Variants in ULK4 observed in about 807,000 individuals in gnomAD.
ULK4 encodes inactive serine/threonine-protein kinase ULK4.
Under a neutral mutation model 160.6 loss-of-function variants are expected in ULK4, and 133 were observed. That is an observed-to-expected ratio of 0.83 (90% CI 0.72 to 0.96). The LOEUF is 0.96. Among genes scored for constraint, ULK4 ranks in the 40% least tolerant of loss-of-function variants. The probability of loss-of-function intolerance (pLI) is 0.00; values close to 1 mark genes in which losing one functional copy is unlikely to be tolerated. For missense variants in ULK4, 1,580 were observed against 1,499.5 expected (o/e 1.05, Z -0.89); for synonymous variants, 534 against 539.8 (o/e 0.99, Z 0.15).
In ULK4 at chr3:41,715,306, A is replaced by G; in HGVS notation, c.2578-13T>C. On this transcript the variant is annotated splice_polypyrimidine_tract_variant and intron_variant, in intron 24 of 36. Coordinates refer to ENST00000301831, the MANE Select transcript of ULK4 (RefSeq NM_017886.4). ...GAGGTCGAAATACCTGTGTGATGAG[A>G]GTTTCTACAGATTAAATTCTGGAAG... 1 of 1,613,588 alleles carries G rather than the reference A, an allele frequency of 6.2e-7. No individual in the cohort carries two copies. The highest frequency in any genetic ancestry group is 8.5e-7 in the Non-Finnish European group (1 of 1,179,894).
chr3:41,263,148 A>G (rs925310764), intron 35 of ULK4, among the ~76,000 whole-genome samples: 4 of 143,794 alleles, frequency 2.8e-5, no homozygotes, highest in Non-Finnish European at 4.4e-5. Flanking sequence ...AAGAAAAAAT[A>G]CTTGGGGTGG....
intron 31 of ULK4, among the ~76,000 whole-genome samples, chr3:41,612,312 C>G (rs1210223599): frequency 6.6e-6 from 1 of 152,262 alleles, no homozygotes; most frequent in Non-Finnish European, 1.5e-5. Context: ...TCCTCTTCCC[C>G]CAAAGCCCTG....
intron 35 of ULK4, among the ~76,000 whole-genome samples, chr3:41,272,343 GTTTTTTTTT>G (rs3038324): frequency 1.4e-4 from 13 of 95,478 alleles, no homozygotes; most frequent in Non-Finnish European, 2.5e-4. Context: ...AATTTTGAAA[GTTTTTTTTT>G]TTTTTTTTTT....
chr3:41,486,335 G>A (rs897353014), intron 32 of ULK4, among the ~76,000 whole-genome samples: 9 of 152,106 alleles, frequency 5.9e-5, no homozygotes, highest in Non-Finnish European at 8.8e-5. Context: ...GAAATTTGTT[G>A]CCAATGAATC....
chr3:41,835,905 A>G lies in ULK4; in HGVS notation c.1723T>C (p.Leu575=). 6.2e-7 allele frequency: 1 copy of G among 1,613,688 alleles called. No homozygotes were observed. The highest frequency in any genetic ancestry group is 1.1e-5 in the South Asian group (1 of 91,008). ...FRNSKLKQCL[L]PTLGELIYLV... ...TAGATCAGCTCCCCAAGGGTTGGTA[A>G]AAGGCACTGTTTTAATTTGCTGTTC... The change falls in exon 18 of 37, where the codon TTA becomes CTA. Residue 575 remains leucine (L), a synonymous_variant. Coordinates refer to ENST00000301831, the MANE Select transcript of ULK4 (RefSeq NM_017886.4).
At chr3:41,251,501 G>T (rs867324167) in intron 35 of ULK4, among the ~76,000 whole-genome samples, 1 of 152,290 alleles carries the variant, frequency 6.6e-6, no homozygotes, top group Middle Eastern at 3.4e-3. Flanking sequence ...CACTGAACTG[G>T]CAGTGAGTTT....
chr3:41,519,952 A>G (rs1575347349), intron 32 of ULK4, among the ~76,000 whole-genome samples: 2 of 152,208 alleles, frequency 1.3e-5, no homozygotes, highest in African/African-American at 2.4e-5. Context: ...ATCAAGCACT[A>G]CATTACCCAA....
intron 35 of ULK4, among the ~76,000 whole-genome samples, chr3:41,358,765 T>C (rs1038733431): frequency 6.6e-6 from 1 of 152,116 alleles, no homozygotes; most frequent in African/African-American, 2.4e-5. Context: ...TGGATTTTAC[T>C]CCGAGATGGA....
intron 32 of ULK4, among the ~76,000 whole-genome samples, chr3:41,564,129 A>C (rs1336176793): frequency 6.6e-6 from 1 of 152,172 alleles, no homozygotes; most frequent in Non-Finnish European, 1.5e-5. Context: ...CCTCAGCTGC[A>C]GGTCTGTTGG....
chr3:41,386,465 T>C (rs192330723), intron 35 of ULK4, among the ~76,000 whole-genome samples: 6 of 152,240 alleles, frequency 3.9e-5, no homozygotes, highest in Admixed American at 6.5e-5. Flanking sequence ...GTCCACAAAC[T>C]CCAGTTTTCT....
intron 2 of ULK4, among the ~76,000 whole-genome samples, chr3:41,948,042 C>T (rs894427911): frequency 7.2e-5 from 11 of 152,092 alleles, no homozygotes; most frequent in African/African-American, 2.4e-4. Context: ...CACACGTGAC[C>T]GACCCCACAT....
chr3:41,645,199 C>A (rs887944327), intron 30 of ULK4, among the ~76,000 whole-genome samples: 4 of 151,660 alleles, frequency 2.6e-5, no homozygotes, highest in Admixed American at 2.6e-4. Context: ...TCCTTCAGTT[C>A]TGCTCTGATT....
At chr3:41,647,050 C>A (rs1332088768) in intron 30 of ULK4, among the ~76,000 whole-genome samples, 10 of 152,130 alleles carry the variant, frequency 6.6e-5, no homozygotes, top group Non-Finnish European at 1.2e-4. Context: ...CCATCAGCTC[C>A]TTTAAGCACT....
chr3:41,723,260 T>C (rs2037537009), intron 22 of ULK4, among the ~76,000 whole-genome samples: 1 of 152,164 alleles, frequency 6.6e-6, no homozygotes, highest in Non-Finnish European at 1.5e-5. Context: ...TGTCTGTTTC[T>C]GAAATGCCTG....
At chr3:41,596,424 C>T (rs1178025216) in intron 31 of ULK4, among the ~76,000 whole-genome samples, 1 of 152,028 alleles carries the variant, frequency 6.6e-6, no homozygotes, top group East Asian at 1.9e-4. Context: ...GAGTAAGATA[C>T]AGGGAAGGGG....
At chr3:41,591,095 G>A (rs2031269568) in intron 31 of ULK4, among the ~76,000 whole-genome samples, 1 of 151,516 alleles carries the variant, frequency 6.6e-6, no homozygotes, top group Admixed American at 6.6e-5. Context: ...AATCTTAAAA[G>A]GGGAAAAAAA....
intron 35 of ULK4, among the ~76,000 whole-genome samples, chr3:41,396,294 G>A (rs142605870): frequency 4.0e-5 from 6 of 150,574 alleles, no homozygotes; most frequent in East Asian, 2.0e-4. Flanking sequence ...TATAATATAC[G>A]GTATAAGTAC....
intron 25 of ULK4, among the ~76,000 whole-genome samples, chr3:41,714,746 G>T (rs1339016402): frequency 2.0e-5 from 3 of 151,878 alleles, no homozygotes; most frequent in Admixed American, 6.6e-5. Context: ...GAGACACTGT[G>T]GGGGCTGGGT....
chr3:41,595,726 A>G (rs976853113), intron 31 of ULK4, among the ~76,000 whole-genome samples: 1 of 152,198 alleles, frequency 6.6e-6, no homozygotes, highest in Non-Finnish European at 1.5e-5. Flanking sequence ...CAAGGAAGTA[A>G]TAACAGAGAG....
Sources: gnomAD v4.1 joint callset for allele counts (sites outside exome capture counted in the v4.1 genomes callset) on GRCh38, gnomAD v4.1.1 for gene constraint, MANE v1.5 for transcripts, NCBI Gene and HGNC (gene_info 2026-07-23, HGNC 2026-07-21) for gene names.